Variants in GALNT13 observed in about 807,000 individuals in gnomAD.
GALNT13 encodes UDP-GalNAc:polypeptide N-acetylgalactosaminyltransferase 13.
A neutral mutation model predicts 64.2 loss-of-function variants in GALNT13; 28 were observed. The observed-to-expected ratio is 0.44, with a 90% CI of 0.32 to 0.60. The LOEUF (loss-of-function observed/expected upper bound fraction) is 0.60, where lower values mean the gene tolerates loss of function less well. GALNT13 is among the 20% of genes least tolerant of loss of function. The pLI is 0.05. For missense variants in GALNT13, 577 were observed against 669.8 expected (o/e 0.86, Z 1.53); for synonymous variants, 214 against 224.6 (o/e 0.95, Z 0.42).
the GALNT13 span, among the ~76,000 whole-genome samples, chr2:153,257,872 T>A: frequency 6.6e-6 from 1 of 152,228 alleles, no homozygotes; most frequent in African/African-American, 2.4e-5. Flanking sequence ...AATGGTGTGC[T>A]TTCTTTAATG....
intron 9 of GALNT13, among the ~76,000 whole-genome samples, chr2:154,322,414 C>T (rs4664734): frequency 0.96 from 146,076 of 151,920 alleles, 70,443 homozygotes; most frequent in Non-Finnish European, 1. Flanking sequence ...GCCTTTTAAA[C>T]TGGGACATGG....
chr2:153,572,292 C>T, the GALNT13 span, among the ~76,000 whole-genome samples: 47 of 150,906 alleles, frequency 3.1e-4, no homozygotes, highest in Admixed American at 1.1e-3. Flanking sequence ...TGCAATGTCT[C>T]CTTTTTCTCT....
At chr2:153,219,173 T>C in the GALNT13 span, among the ~76,000 whole-genome samples, 2 of 152,224 alleles carry the variant, frequency 1.3e-5, no homozygotes, top group African/African-American at 4.8e-5. Flanking sequence ...TCCTTACCAA[T>C]TTAGTCATGT....
At chr2:153,963,731 C>CTGTG (rs58455059) in intron 3 of GALNT13, among the ~76,000 whole-genome samples, 1,165 of 100,820 alleles carry the variant, frequency 0.012, 15 homozygotes, top group Non-Finnish European at 0.019. Flanking sequence ...CTCTCTCTCT[C>CTGTG]TGTGTGTGTG....
At chr2:153,228,341 A>G in the GALNT13 span, among the ~76,000 whole-genome samples, 1 of 152,198 alleles carries the variant, frequency 6.6e-6, no homozygotes, top group Admixed American at 6.5e-5. Context: ...AAAAGCATAT[A>G]TTGCTTGTTT....
chr2:153,642,240 T>C, the GALNT13 span, among the ~76,000 whole-genome samples: 1 of 152,092 alleles, frequency 6.6e-6, no homozygotes, highest in South Asian at 2.1e-4. Flanking sequence ...TAATTCTTAA[T>C]AAGTATTTAA....
the GALNT13 span, among the ~76,000 whole-genome samples, chr2:153,678,550 T>C: frequency 6.6e-6 from 1 of 151,440 alleles, no homozygotes; most frequent in Non-Finnish European, 1.5e-5. Context: ...GGAAGGAGGG[T>C]GAGGATTGAA....
chr2:153,572,372 T>A, the GALNT13 span, among the ~76,000 whole-genome samples: 3 of 147,790 alleles, frequency 2.0e-5, no homozygotes, highest in African/African-American at 7.3e-5. Flanking sequence ...TAAAGGTTTG[T>A]TAATATTGTT....
intron 3 of GALNT13, among the ~76,000 whole-genome samples, chr2:153,975,417 A>G (rs1424510273): frequency 2.6e-5 from 4 of 152,022 alleles, no homozygotes; most frequent in African/African-American, 9.7e-5. Flanking sequence ...CTCTAACCTT[A>G]TCACCTCCCA....
the GALNT13 span, among the ~76,000 whole-genome samples, chr2:153,402,573 C>T: frequency 5.6e-3 from 855 of 152,156 alleles, 11 homozygotes; most frequent in African/African-American, 0.019. Context: ...ACCAATCAGA[C>T]GTAGATTTGG....
chr2:153,478,156 A>C, the GALNT13 span: 9 of 1,110,482 alleles, frequency 8.1e-6, no homozygotes, highest in Admixed American at 1.5e-4. Flanking sequence ...TGCTTCGCCC[A>C]GTCTCTGATA....
intron 4 of GALNT13, among the ~76,000 whole-genome samples, chr2:154,200,143 A>G (rs976803463): frequency 6.6e-6 from 1 of 152,056 alleles, no homozygotes; most frequent in African/African-American, 2.4e-5. Flanking sequence ...TCATTTTAGG[A>G]GTCATGAAGA....
At chr2:153,641,130 A>G in the GALNT13 span, among the ~76,000 whole-genome samples, 1 of 152,104 alleles carries the variant, frequency 6.6e-6, no homozygotes, top group Admixed American at 6.6e-5. Context: ...GCACCTACTC[A>G]ATGATAATAG....
intron 4 of GALNT13, among the ~76,000 whole-genome samples, chr2:154,221,936 C>T (rs1438600031): frequency 6.6e-6 from 1 of 152,080 alleles, no homozygotes; most frequent in African/African-American, 2.4e-5. Context: ...ATGGTGGAAC[C>T]ACCCCAACAT....
chr2:153,658,435 C>T, the GALNT13 span, among the ~76,000 whole-genome samples: 1 of 152,046 alleles, frequency 6.6e-6, no homozygotes, highest in African/African-American at 2.4e-5. Context: ...TTTTATGTGA[C>T]CATGTCACTC....
chr2:153,504,522 G>T, the GALNT13 span, among the ~76,000 whole-genome samples: 1 of 152,172 alleles, frequency 6.6e-6, no homozygotes, highest in Non-Finnish European at 1.5e-5. Context: ...TTGTGGGTTT[G>T]TCATAGATGG....
chr2:154,417,006 C>T (rs1334435586), intron 11 of GALNT13, among the ~76,000 whole-genome samples: 1 of 152,088 alleles, frequency 6.6e-6, no homozygotes, highest in Admixed American at 6.6e-5. Context: ...ATTTTTCTCT[C>T]TCATCTTTCA....
chr2:154,306,233 T>C (rs1645282495), intron 9 of GALNT13, among the ~76,000 whole-genome samples: 1 of 152,060 alleles, frequency 6.6e-6, no homozygotes, highest in Non-Finnish European at 1.5e-5. Context: ...ACACGTGCCA[T>C]GGTGGTTTGC....
intron 4 of GALNT13, among the ~76,000 whole-genome samples, chr2:154,165,888 T>C (rs1017876666): frequency 6.6e-6 from 1 of 152,170 alleles, no homozygotes; most frequent in Non-Finnish European, 1.5e-5. Context: ...GAAAAGATTT[T>C]CGATTGATTA....
Sources: allele counts gnomAD v4.1 joint callset (sites outside exome capture counted in the v4.1 genomes callset), GRCh38; gene constraint gnomAD v4.1.1; transcripts MANE v1.5; gene names NCBI Gene and HGNC (gene_info 2026-07-23, HGNC 2026-07-21).